PDCD11: variants seen among roughly 807,000 people sequenced by gnomAD.
PDCD11 encodes protein RRP5 homolog.
In PDCD11, 97 loss-of-function variants were observed where a neutral mutation model predicts 198.9. The observed-to-expected ratio is 0.49, with a 90% CI of 0.41 to 0.58. The LOEUF (loss-of-function observed/expected upper bound fraction) is 0.58, where lower values mean the gene tolerates loss of function less well. Among genes scored for constraint, PDCD11 ranks in the 20% least tolerant of loss-of-function variants. PDCD11 has a pLI of 0.00. For missense variants in PDCD11, 2,102 were observed against 2,312.7 expected (o/e 0.91, Z 1.87); for synonymous variants, 893 against 918.0 (o/e 0.97, Z 0.49).
At chr10:103,441,575 T>C (rs949775890) in intron 30 of PDCD11, among the ~76,000 whole-genome samples, 2 of 152,342 alleles carry the variant, frequency 1.3e-5, no homozygotes, top group East Asian at 3.9e-4. Context: ...TTTTATATAC[T>C]GGTATGCATA....
chr10:103,413,924 C>T, intron 9 of PDCD11, 42 bp from the exon 10 acceptor site: 1 of 1,566,012 alleles, frequency 6.4e-7, no homozygotes, highest in Non-Finnish European at 8.7e-7. Context: ...TGGCTCAGAC[C>T]TGTTGTCCCT....
chr10:103,427,405 T>C lies in PDCD11; in HGVS notation c.3368+14T>C. 1 of 1,603,790 alleles carries C rather than the reference T, an allele frequency of 6.2e-7. No individual in the cohort carries two copies. Reference sequence around the variant, plus strand: ...TGTTCGGCCAAGGTGAGGGGGACATTAGCAGCACTGTCTTACGGAAAGAGC... The same window carrying C: ...TGTTCGGCCAAGGTGAGGGGGACATCAGCAGCACTGTCTTACGGAAAGAGC... On this transcript the variant is annotated intron_variant, in intron 21 of 35. Coordinates refer to ENST00000369797, the MANE Select transcript of PDCD11 (RefSeq NM_014976.2).
chr10:103,415,561 T>G (rs2031060735), intron 12 of PDCD11, among the ~76,000 whole-genome samples: 1 of 152,242 alleles, frequency 6.6e-6, no homozygotes, highest in African/African-American at 2.4e-5. Flanking sequence ...CATTTAATCC[T>G]TGAAACAACC....
At position 103,445,545 on chromosome 10, in the gene PDCD11, A is replaced by C. The variant is rs7831; in HGVS notation, c.5612A>C (p.Asp1871Ala). Residue 1871 changes from aspartate (D) to alanine (A), a missense_variant, in exon 36 of 36, where the codon GAC becomes GCC. By Grantham distance (126) the Asp-to-Ala change is moderately radical. Coordinates refer to ENST00000369797, the MANE Select transcript of PDCD11 (RefSeq NM_014976.2). The stretch of plus-strand genomic sequence containing the variant: ...GAGGCCAAGAGCTCAGTGCTAGAGG[A>C]CTAGTGGCAGGCTGGCTCTGTGGGA... ...YVEAKSSVLE[D>A] is the part of the protein sequence containing the mutation. 0.37 allele frequency: 599,803 copies of C among 1,612,022 alleles called. 113,283 individuals carry two copies. The highest frequency in any genetic ancestry group is 0.49 in the South Asian group (44,499 of 90,990).
At chr10:103,408,851 G>A (rs1163443176) in intron 7 of PDCD11, among the ~76,000 whole-genome samples, 1 of 152,004 alleles carries the variant, frequency 6.6e-6, no homozygotes, top group Non-Finnish European at 1.5e-5. Flanking sequence ...CTTGTTGACC[G>A]TTTAACTTTC....
chr10:103,420,685 C>T (rs1393457942), intron 16 of PDCD11, among the ~76,000 whole-genome samples: 2 of 152,140 alleles, frequency 1.3e-5, no homozygotes, highest in Non-Finnish European at 2.9e-5. Flanking sequence ...CATCCCCTGC[C>T]AGAAACATTT....
chr10:103,416,808 C>G, intron 13 of PDCD11, 66 bp downstream of exon 13: 1 of 1,562,658 alleles, frequency 6.4e-7, no homozygotes, highest in Non-Finnish European at 8.7e-7. Flanking sequence ...TATGAAGGAG[C>G]AGTAAGTAGT....
rs1301510816 is a variant in PDCD11 at position 103,400,329 on chromosome 10, TAGG to T, written c.103-64_103-62del. On this transcript the variant is annotated intron_variant, in intron 2 of 35. Transcript: ENST00000369797. ...AAGCAAGGTGAGTGATGACCTGAAA[TAGG>T]AGGGAAAACTCAGATTGCTTCTTAT... 3 of 1,425,778 alleles carry T rather than the reference TAGG, an allele frequency of 2.1e-6. No individual in the cohort carries two copies. In the African/African-American group the frequency reaches 4.5e-5, roughly 21 times the overall value. 88.3% of individuals were successfully genotyped at this position (1,425,778 alleles called of 1,614,324 possible). A position where few individuals can be genotyped will look rare whatever the true frequency, so the allele number is the denominator to read the frequency against.
chr10:103,435,998 T>C (rs2032137302), intron 25 of PDCD11, among the ~76,000 whole-genome samples: 1 of 151,854 alleles, frequency 6.6e-6, no homozygotes, highest in Non-Finnish European at 1.5e-5. Context: ...TCTTAGCCAT[T>C]GGTTCAGCAA....
rs1317998239 is a variant in PDCD11, at chr10:103,444,632, G to C, written c.5394G>C (p.Trp1798Cys). The C allele has an allele frequency of 1.7e-5, 27 of 1,614,068 alleles. No individual in the cohort carries two copies. Among genetic ancestry groups the C allele is most frequent in the Non-Finnish European group, 2.2e-5 (26 of 1,180,060 alleles). Residue 1798 changes from tryptophan (W) to cysteine (C), a missense_variant, in exon 35 of 36, where the codon TGG (tryptophan) becomes TGC (cysteine). Trp to Cys is a radical substitution (Grantham distance 215, BLOSUM62 -2). Coordinates refer to ENST00000369797, the MANE Select transcript of PDCD11 (RefSeq NM_014976.2). ...LSTYPKRTDV[W>C]SVYIDMTIKH... The stretch of plus-strand genomic sequence containing the variant: ...CCTACCCAAAGCGCACAGATGTCTG[G>C]TCGGTCTATATCGACATGACCATCA...
chr10:103,444,177 C>T lies in PDCD11; in HGVS notation c.5278+109C>T, dbSNP rs1312084488. Reference sequence around the variant, plus strand: ...GTCAGGAGAGCCTTGTGAGGGCTTTCCTCTTGCTGCCTGTTGATTCTCTGC... The same window carrying T: ...GTCAGGAGAGCCTTGTGAGGGCTTTTCTCTTGCTGCCTGTTGATTCTCTGC... On this transcript the variant is annotated intron_variant, in intron 34 of 35. Transcript: ENST00000369797. 4 of 856,576 alleles carry T rather than the reference C, an allele frequency of 4.7e-6. No homozygotes were observed. The Admixed American group carries it at 1.1e-4, about 23-fold the overall frequency. 53.1% of individuals were successfully genotyped at this position (856,576 alleles called of 1,614,324 possible).
rs752551383 is a variant in PDCD11 at position 103,440,782 on chromosome 10, G to A, written c.4489G>A (p.Asp1497Asn). Reference protein sequence around the residue: ...PKKAGLSEEDDSLVDVYYREG... With the variant: ...PKKAGLSEEDNSLVDVYYREG... ...GAAAGCCGGCCTGTCAGAGGAGGAC[G>A]ACAGCCTTGTGGACGTGTACTATCG... The change falls in exon 30 of 36, where the codon GAC (aspartate) becomes AAC (asparagine). Residue 1497 changes from aspartate to asparagine, a missense_variant. Coordinates refer to ENST00000369797, the MANE Select transcript of PDCD11 (RefSeq NM_014976.2). 21 of 1,614,020 alleles carry A rather than the reference G, an allele frequency of 1.3e-5. No individual in the cohort carries two copies. The South Asian group carries it at 2.2e-4, about 17-fold the overall frequency.
chr10:103,403,409 G>C lies in PDCD11; in HGVS notation c.402+124G>C. ...GGTCCCGTGAGAGTTTATCATAAAGGAATTTTTGACTAAGTCTGGGAGCCT... is the reference window on the plus strand; with the variant it reads ...GGTCCCGTGAGAGTTTATCATAAAGCAATTTTTGACTAAGTCTGGGAGCCT... On this transcript the variant is annotated intron_variant, in intron 4 of 35. Coordinates refer to ENST00000369797, the MANE Select transcript of PDCD11 (RefSeq NM_014976.2). 3.4e-6 allele frequency: 3 copies of C among 871,590 alleles called. No individual in the cohort carries two copies. In the South Asian group the frequency reaches 5.4e-5, roughly 16 times the overall value. The allele number at this position is 871,590 out of a possible 1,614,324, so 54.0% of individuals were successfully genotyped here. A position where few individuals can be genotyped will look rare whatever the true frequency, so the allele number is the denominator to read the frequency against.
intron 18 of PDCD11, 83 bp downstream of exon 18, chr10:103,423,220 A>G: frequency 1.5e-6 from 2 of 1,365,128 alleles, no homozygotes; most frequent in Non-Finnish European, 1.9e-6. Flanking sequence ...GAATTTCTAA[A>G]TACTTACGGT....
At chr10:103,431,271 C>T (rs1041453729) in intron 21 of PDCD11, among the ~76,000 whole-genome samples, 1 of 152,016 alleles carries the variant, frequency 6.6e-6, no homozygotes, top group South Asian at 2.1e-4. Flanking sequence ...AGGCTACATC[C>T]CTTTGTGGTT....
At chr10:103,444,224 T>C (rs1466227314) in intron 34 of PDCD11, 156 bp downstream of exon 34, 12 of 680,058 alleles carry the variant, frequency 1.8e-5, no homozygotes, top group Non-Finnish European at 2.9e-5. Flanking sequence ...ACAGTGCATG[T>C]TAAATTTCAA....
At chr10:103,429,203 C>T (rs2031822781) in intron 21 of PDCD11, among the ~76,000 whole-genome samples, 1 of 152,118 alleles carries the variant, frequency 6.6e-6, no homozygotes, top group Non-Finnish European at 1.5e-5. Flanking sequence ...GCTTACTCCT[C>T]TGGAGGGCTG....
At position 103,419,835 on chromosome 10, in the gene PDCD11, G is replaced by A. The variant is rs550740742; in HGVS notation, c.2277+127G>A. On this transcript the variant is annotated intron_variant, in intron 16 of 35. Coordinates refer to ENST00000369797, the MANE Select transcript of PDCD11 (RefSeq NM_014976.2). ...GAGACAGTCTTGTTCTGTCGCCCAG[G>A]CTGGCTTGCAGTGGTGTGATCTCTG... 317 of 827,072 alleles carry A rather than the reference G, an allele frequency of 3.8e-4. 1 individual carries two copies. The African/African-American group carries it at 4.9e-3, about 13-fold the overall frequency. 51.2% of individuals were successfully genotyped at this position (827,072 alleles called of 1,614,324 possible).
At chr10:103,434,743 C>T (rs927238918) in intron 24 of PDCD11, 55 bp from the exon 25 acceptor site, 32 of 1,479,880 alleles carry the variant, frequency 2.2e-5, no homozygotes, top group Middle Eastern at 2.2e-4. Context: ...CTGGCATTCC[C>T]GCTCCTCCCT....
Sources: gnomAD v4.1 joint callset for allele counts (sites outside exome capture counted in the v4.1 genomes callset) on GRCh38, gnomAD v4.1.1 for gene constraint, MANE v1.5 for transcripts, NCBI Gene and HGNC (gene_info 2026-07-23, HGNC 2026-07-21) for gene names.